The following ZCCHC4 variants were observed in gnomAD, a reference collection of about 807,000 sequenced individuals.
ZCCHC4 encodes rRNA N(6)-adenosine-methyltransferase ZCCHC4.
ZCCHC4 carries 54 observed loss-of-function variants against 67.7 expected under a neutral mutation model. The ratio of observed to expected loss-of-function variants is 0.80; its 90% CI spans 0.64 to 1.00. The LOEUF (loss-of-function observed/expected upper bound fraction) is 1.00. Among genes scored for constraint, ZCCHC4 ranks in the 50% least tolerant of loss-of-function variants. The probability of loss-of-function intolerance (pLI) is 0.00; values close to 1 mark genes in which losing one functional copy is unlikely to be tolerated. For missense variants in ZCCHC4, 609 were observed against 617.0 expected (o/e 0.99, Z 0.14); for synonymous variants, 198 against 213.5 (o/e 0.93, Z 0.63).
chr4:25,365,265 G>A (rs1220271360), intron 12 of ZCCHC4, 99 bp downstream of exon 12: 2 of 1,534,268 alleles, frequency 1.3e-6, no homozygotes, highest in African/African-American at 1.4e-5. Flanking sequence ...GAAGTGCCAA[G>A]TTAATTGTCA....
intron 8 of ZCCHC4, among the ~76,000 whole-genome samples, chr4:25,361,368 G>A (rs929623770): frequency 3.3e-5 from 5 of 152,200 alleles, no homozygotes; most frequent in African/African-American, 1.2e-4. Context: ...TAAGAGAGAT[G>A]GCTGCGCTTT....
At position 25,367,018 on chromosome 4, in the gene ZCCHC4, C is replaced by CA. The variant is rs1720978775; in HGVS notation, c.1406+1858dup. Among the ~76,000 whole-genome samples, 2 of 151,924 alleles carry CA rather than the reference C, an allele frequency of 1.3e-5. 1 individual carries two copies. Among genetic ancestry groups the CA allele is most frequent in the South Asian group, 4.2e-4 (2 of 4,816 alleles). The stretch of plus-strand genomic sequence containing the variant: ...AACTCCTGTTAATAGTTACTGCTTT[C>CA]AAAAAATATATATAGTGAAATTGAC... On this transcript the variant is annotated intron_variant, in intron 12 of 12. Coordinates refer to ENST00000302874, the MANE Select transcript of ZCCHC4 (RefSeq NM_024936.3).
chr4:25,345,661 G>C, intron 6 of ZCCHC4, 41 bp downstream of exon 6: 1 of 1,342,276 alleles, frequency 7.5e-7, no homozygotes, highest in Non-Finnish European at 1.0e-6. Flanking sequence ...TCTTATTGTG[G>C]AATAACAGAT....
At chr4:25,367,796 C>CTAA (rs1721009321) in intron 12 of ZCCHC4, among the ~76,000 whole-genome samples, 1 of 152,062 alleles carries the variant, frequency 6.6e-6, no homozygotes, top group African/African-American at 2.4e-5. Context: ...TCATGTGGAA[C>CTAA]TAATAATAGC....
At chr4:25,335,466 A>G (rs879822784) in intron 5 of ZCCHC4, among the ~76,000 whole-genome samples, 2 of 152,168 alleles carry the variant, frequency 1.3e-5, no homozygotes, top group Non-Finnish European at 2.9e-5. Context: ...TAATAATCAT[A>G]AAAGTGTAGC....
intron 3 of ZCCHC4, 98 bp downstream of exon 3, chr4:25,315,498 T>C (rs888834634): frequency 1.4e-5 from 12 of 873,322 alleles, no homozygotes; most frequent in Non-Finnish European, 1.7e-6. Flanking sequence ...TTTATTTATT[T>C]TTATTGTAGT....
chr4:25,334,120 A>G lies in ZCCHC4; in HGVS notation c.686+132A>G, dbSNP rs920574095. On this transcript the variant is annotated intron_variant, in intron 5 of 12. Transcript: ENST00000302874. Reference sequence around the variant, plus strand: ...AGAAGTAGTAATTTGTTATGAGGAAACTTTTTAGTCGAATAAATTCAACAT... The same window carrying G: ...AGAAGTAGTAATTTGTTATGAGGAAGCTTTTTAGTCGAATAAATTCAACAT... 1.0e-4 allele frequency: 51 copies of G among 512,032 alleles called. No homozygotes were observed. In the Admixed American group the frequency reaches 1.5e-3, roughly 16 times the overall value. 31.7% of individuals were successfully genotyped at this position (512,032 alleles called of 1,614,324 possible). A position where few individuals can be genotyped will look rare whatever the true frequency, so the allele number is the denominator to read the frequency against.
At chr4:25,316,516 A>C (rs1718271788) in intron 3 of ZCCHC4, among the ~76,000 whole-genome samples, 1 of 152,176 alleles carries the variant, frequency 6.6e-6, no homozygotes, top group Admixed American at 6.5e-5. Flanking sequence ...CCATCCTAGT[A>C]ATTGTGAAGT....
intron 3 of ZCCHC4, 143 bp downstream of exon 3, chr4:25,315,543 T>C: frequency 1.8e-6 from 1 of 567,700 alleles, no homozygotes; most frequent in East Asian, 3.3e-5. Flanking sequence ...ATTTTAATCA[T>C]TTTCAAGTGT....
intron 1 of ZCCHC4, 51 bp from the exon 2 acceptor site, chr4:25,313,995 T>C (rs778503962): frequency 8.4e-7 from 1 of 1,187,704 alleles, no homozygotes; most frequent in Non-Finnish European, 1.2e-6. Context: ...GAACTTGACG[T>C]AGATGACCAT....
intron 3 of ZCCHC4, among the ~76,000 whole-genome samples, chr4:25,321,444 C>G (rs2109051750): frequency 6.6e-6 from 1 of 152,282 alleles, no homozygotes; most frequent in Non-Finnish European, 1.5e-5. Flanking sequence ...GTGATCTTGG[C>G]TCACTTCAAC....
In ZCCHC4 at chr4:25,361,976, T is replaced by C; in HGVS notation, c.1129T>C (p.Tyr377His). ...AATAATCCTTCCTACTGAAGAAGGG[T>C]ACAGGTAAGATCACAGTGGAACTTT... ...NKIILPTEEGYRFCSPCQRYV... is the reference protein window; with the variant it reads ...NKIILPTEEGHRFCSPCQRYV... Residue 377 changes from tyrosine (Y) to histidine (H), a missense_variant, in exon 9 of 13, where the codon TAC becomes CAC. By Grantham distance (83) the Tyr-to-His change is moderately conservative (BLOSUM62 2). Transcript: ENST00000302874. 1 of 1,613,410 alleles carries C rather than the reference T, an allele frequency of 6.2e-7. No homozygotes were observed. Among genetic ancestry groups the C allele is most frequent in the Non-Finnish European group, 8.5e-7 (1 of 1,179,778 alleles).
At chr4:25,365,743 A>G (rs1395870245) in intron 12 of ZCCHC4, 1 of 985,392 alleles carries the variant, frequency 1.0e-6, no homozygotes, top group Non-Finnish European at 1.2e-6. Flanking sequence ...TATGGATTAC[A>G]ACTCAGAGTA....
At chr4:25,334,919 C>T (rs1472511893) in intron 5 of ZCCHC4, among the ~76,000 whole-genome samples, 2 of 151,916 alleles carry the variant, frequency 1.3e-5, no homozygotes, top group Non-Finnish European at 2.9e-5. Context: ...CCCACTGTAC[C>T]CTCAAACTCC....
chr4:25,354,667 T>A (rs970185837), intron 8 of ZCCHC4, among the ~76,000 whole-genome samples: 7 of 151,194 alleles, frequency 4.6e-5, no homozygotes, highest in South Asian at 2.1e-4. Flanking sequence ...TTCATTAAAA[T>A]TTTTTTTTTA....
chr4:25,358,543 C>G (rs538339517), intron 8 of ZCCHC4, among the ~76,000 whole-genome samples: 4 of 152,210 alleles, frequency 2.6e-5, no homozygotes, highest in African/African-American at 9.7e-5. Context: ...CATAACAAAT[C>G]TCTTTAATAA....
At chr4:25,343,569 A>G (rs192909382) in intron 5 of ZCCHC4, among the ~76,000 whole-genome samples, 25 of 152,344 alleles carry the variant, frequency 1.6e-4, no homozygotes, top group Admixed American at 5.9e-4. Flanking sequence ...ATCCAGTCCT[A>G]TGTGGTAGAA....
chr4:25,333,842 T>G, intron 4 of ZCCHC4, 66 bp from the exon 5 acceptor site: 2 of 1,086,070 alleles, frequency 1.8e-6, no homozygotes, highest in Non-Finnish European at 2.6e-6. Context: ...GGTTTTGTTG[T>G]TTGTTTGTTT....
At chr4:25,330,250 C>A (rs1053978889) in intron 3 of ZCCHC4, among the ~76,000 whole-genome samples, 3 of 152,238 alleles carry the variant, frequency 2.0e-5, no homozygotes, top group Middle Eastern at 3.4e-3. Context: ...CTCAGCCTCA[C>A]AAAGCTCTGG....
Sources: gnomAD v4.1 joint callset for allele counts (sites outside exome capture counted in the v4.1 genomes callset) on GRCh38, gnomAD v4.1.1 for gene constraint, MANE v1.5 for transcripts, NCBI Gene and HGNC (gene_info 2026-07-23, HGNC 2026-07-21) for gene names.